The following OXSR1 variants were observed in gnomAD, a reference collection of about 807,000 sequenced individuals.
OXSR1 encodes oxidative stress responsive kinase 1.
Under a neutral mutation model 79.8 loss-of-function variants are expected in OXSR1, and 24 were observed. The ratio of observed to expected loss-of-function variants is 0.30; its 90% CI spans 0.22 to 0.42. The LOEUF is 0.42. OXSR1 is among the 10% of genes least tolerant of loss of function. The pLI, the probability that OXSR1 is intolerant of heterozygous loss-of-function variation, is 1.00. For missense variants in OXSR1, 430 were observed against 618.4 expected, an observed-to-expected ratio of 0.70 and a Z score of 3.23; for synonymous variants, 226 against 209.2, an observed-to-expected ratio of 1.08 and a Z score of -0.69.
intron 4 of OXSR1, among the ~76,000 whole-genome samples, chr3:38,215,331 C>T (rs1702462125): frequency 6.6e-6 from 1 of 152,012 alleles, no homozygotes; most frequent in African/African-American, 2.4e-5. Context: ...CAGTAGAACC[C>T]CCTTGTACTT....
intron 4 of OXSR1, among the ~76,000 whole-genome samples, chr3:38,201,051 G>A (rs114239449): frequency 1.2e-3 from 180 of 152,066 alleles, no homozygotes; most frequent in Non-Finnish European, 2.0e-3. Flanking sequence ...CTGTTGTGAC[G>A]CATCTGCTTG....
chr3:38,183,042 C>T lies in OXSR1; in HGVS notation c.110C>T (p.Ala37Val). The change falls in exon 2 of 18, where the codon GCC (alanine) becomes GTC (valine). Residue 37 changes from alanine to valine, a missense_variant. By Grantham distance (64) the Ala-to-Val change is moderately conservative. Around this residue, in one of 3 missense-constraint regions of OXSR1, gnomAD observed 145 missense variants for 228.3 expected, o/e 0.64. Coordinates refer to ENST00000311806, the MANE Select transcript of OXSR1 (RefSeq NM_005109.3). The stretch of plus-strand genomic sequence containing the variant: ...GCTGTAGTCCAAGCAGCTTATTGTG[C>T]CCCTAAAAAGGAGAAAGTGGCAATC... ...ATAVVQAAYC[A>V]PKKEKVAIKR... The T allele has an allele frequency of 6.2e-7, 1 of 1,612,572 alleles. No homozygotes were observed. The highest frequency in any genetic ancestry group is 8.5e-7 in the Non-Finnish European group (1 of 1,179,160).
intron 2 of OXSR1, 68 bp downstream of exon 2, chr3:38,183,183 C>A: frequency 2.9e-6 from 2 of 692,246 alleles, no homozygotes; most frequent in Non-Finnish European, 4.5e-6. Flanking sequence ...TGGGAAATAA[C>A]TTGAAGTTTT....
intron 4 of OXSR1, among the ~76,000 whole-genome samples, chr3:38,213,063 A>C (rs1186478290): frequency 6.6e-6 from 1 of 151,004 alleles, no homozygotes; most frequent in Admixed American, 6.6e-5. Context: ...GTAGTCACTC[A>C]AAGTGCAGGC....
intron 5 of OXSR1, among the ~76,000 whole-genome samples, chr3:38,218,378 A>G (rs575625590): frequency 6.6e-6 from 1 of 152,138 alleles, no homozygotes; most frequent in South Asian, 2.1e-4. Flanking sequence ...GGTGTTATCT[A>G]TCTCATTGTG....
At chr3:38,174,462 A>G (rs1701641595) in intron 1 of OXSR1, among the ~76,000 whole-genome samples, 1 of 152,096 alleles carries the variant, frequency 6.6e-6, no homozygotes, top group African/African-American at 2.4e-5. Context: ...CATGTCTGTA[A>G]TCCCAGCTAC....
intron 4 of OXSR1, among the ~76,000 whole-genome samples, chr3:38,215,291 A>G (rs1158839692): frequency 6.6e-6 from 1 of 152,188 alleles, no homozygotes; most frequent in Non-Finnish European, 1.5e-5. Flanking sequence ...GGCTGTTACT[A>G]GTTTTTGTTT....
chr3:38,188,226 T>TTTTC (rs1701919201), intron 2 of OXSR1, among the ~76,000 whole-genome samples: 1 of 152,182 alleles, frequency 6.6e-6, no homozygotes, highest in Non-Finnish European at 1.5e-5. Context: ...CCTAACTCTT[T>TTTTC]ACATTGTCAC....
chr3:38,166,144 A>T (rs34836894), intron 1 of OXSR1, among the ~76,000 whole-genome samples, 198 bp downstream of exon 1: 1 of 131,736 alleles, frequency 7.6e-6, no homozygotes, highest in African/African-American at 3.0e-5. Context: ...CGCGCCTGTG[A>T]GGTGGCGTGG....
At chr3:38,216,799 C>A (rs1702490707) in intron 5 of OXSR1, among the ~76,000 whole-genome samples, 1 of 152,154 alleles carries the variant, frequency 6.6e-6, no homozygotes, top group Non-Finnish European at 1.5e-5. Flanking sequence ...TCACCCAAAT[C>A]TTAAATTATT....
At chr3:38,167,443 C>T (rs1701489392) in intron 1 of OXSR1, among the ~76,000 whole-genome samples, 1 of 152,228 alleles carries the variant, frequency 6.6e-6, no homozygotes, top group Admixed American at 6.5e-5. Flanking sequence ...ATCTGCTTTG[C>T]CAGCATCCTG....
In OXSR1 at chr3:38,202,033, A is replaced by G. The variant is rs554041485; in HGVS notation, c.434+3170A>G. On this transcript the variant is annotated intron_variant, in intron 4 of 17. Transcript: ENST00000311806. ...TGAAAACTGGATGAGGCTGATGGAA[A>G]ATCAAGACAGGTCAGTGGATTAGTG... 7.2e-5 allele frequency among the ~76,000 whole-genome samples: 11 copies of G among 152,336 alleles called. No homozygotes were observed. In the South Asian group the frequency reaches 1.2e-3, roughly 17 times the overall value.
At chr3:38,166,650 G>T (rs1366130857) in intron 1 of OXSR1, among the ~76,000 whole-genome samples, 2 of 152,072 alleles carry the variant, frequency 1.3e-5, no homozygotes, top group African/African-American at 2.4e-5. Flanking sequence ...AATTAGTTGG[G>T]TGTGGTGGTG....
At chr3:38,213,154 A>C (rs1702419782) in intron 4 of OXSR1, among the ~76,000 whole-genome samples, 1 of 152,340 alleles carries the variant, frequency 6.6e-6, no homozygotes, top group South Asian at 2.1e-4. Flanking sequence ...TAATATGTAT[A>C]TATGGCTTTA....
chr3:38,205,728 G>A (rs985901729), intron 4 of OXSR1, among the ~76,000 whole-genome samples: 1 of 152,190 alleles, frequency 6.6e-6, no homozygotes, highest in East Asian at 1.9e-4. Context: ...GCCAGTCATC[G>A]TGGTCTGTCT....
intron 10 of OXSR1, among the ~76,000 whole-genome samples, chr3:38,230,886 G>C (rs1008879634): frequency 2.0e-5 from 3 of 152,182 alleles, no homozygotes; most frequent in African/African-American, 7.2e-5. Flanking sequence ...CTCAGTTTGG[G>C]CAGAATATAT....
intron 4 of OXSR1, among the ~76,000 whole-genome samples, chr3:38,203,081 C>T (rs1392383188): frequency 1.3e-5 from 2 of 152,218 alleles, no homozygotes; most frequent in Admixed American, 6.5e-5. Flanking sequence ...GTGTTCCTCC[C>T]GTACCCCTGG....
intron 14 of OXSR1, among the ~76,000 whole-genome samples, chr3:38,249,043 T>C (rs1703201910): frequency 6.6e-6 from 1 of 152,178 alleles, no homozygotes; most frequent in Admixed American, 6.6e-5. Context: ...TGTACCTGTG[T>C]AGAAAGAACG....
chr3:38,248,441 A>G (rs1278265772), intron 14 of OXSR1, among the ~76,000 whole-genome samples: 1 of 147,842 alleles, frequency 6.8e-6, no homozygotes, highest in African/African-American at 2.5e-5. Context: ...CTTTCTACTC[A>G]TAAATGCATT....
Sources: allele counts gnomAD v4.1 joint callset (sites outside exome capture counted in the v4.1 genomes callset), GRCh38; gene constraint gnomAD v4.1.1; regional missense constraint gnomAD v4.1.1; transcripts MANE v1.5; gene names NCBI Gene and HGNC (gene_info 2026-07-23, HGNC 2026-07-21).